DLGAP1: variants seen among roughly 807,000 people sequenced by gnomAD.
DLGAP1 encodes DLG associated protein 1.
A neutral mutation model predicts 90.8 loss-of-function variants in DLGAP1; 11 were observed. That is an observed-to-expected ratio of 0.12 (90% CI 0.08 to 0.20). The LOEUF is 0.20. Among genes scored for constraint, DLGAP1 ranks in the 10% least tolerant of loss-of-function variants. DLGAP1 has a pLI of 1.00. For missense variants in DLGAP1, 1,050 were observed against 1,333.8 expected, an observed-to-expected ratio of 0.79 and a Z score of 3.31; for synonymous variants, 558 against 540.7, an observed-to-expected ratio of 1.03 and a Z score of -0.44.
At position 3,826,390 on chromosome 18, in the gene DLGAP1, G is replaced by GA. The variant is rs543058305; in HGVS notation, c.958-12118dup. Among the ~76,000 whole-genome samples, 521 of 152,304 alleles carry GA rather than the reference G, an allele frequency of 3.4e-3. 3 individuals are homozygous for GA. The highest frequency in any genetic ancestry group is 0.011 in the African/African-American group (451 of 41,558). On this transcript the variant is annotated intron_variant, in intron 4 of 12. Transcript: ENST00000315677. ...TGGAAAAATGAAAGCAGGAAAGGGG[G>GA]AAGACTGTGTGGAGGAGAGGTGGGT... is the stretch of plus-strand genomic sequence containing the variant.
At chr18:3,801,172 T>A (rs2148327667) in intron 5 of DLGAP1, among the ~76,000 whole-genome samples, 1 of 152,246 alleles carries the variant, frequency 6.6e-6, no homozygotes, top group South Asian at 2.1e-4. Flanking sequence ...AAGCCATTCA[T>A]TAGGGATCCG....
At chr18:4,346,911 A>AG in intron 1 of DLGAP1, among the ~76,000 whole-genome samples, 1 of 152,252 alleles carries the variant, frequency 6.6e-6, no homozygotes, top group South Asian at 2.1e-4. Flanking sequence ...ATAAATAAAT[A>AG]CCCTCAGTTT....
chr18:4,210,634 C>A (rs796548336), intron 1 of DLGAP1, among the ~76,000 whole-genome samples: 1 of 152,048 alleles, frequency 6.6e-6, no homozygotes, highest in African/African-American at 2.4e-5. Flanking sequence ...TGAAAGAGGA[C>A]GATGGCCTCT....
At chr18:3,882,982 G>A (rs533580625) in intron 3 of DLGAP1, among the ~76,000 whole-genome samples, 3 of 152,316 alleles carry the variant, frequency 2.0e-5, no homozygotes, top group East Asian at 3.9e-4. Flanking sequence ...GGTGGCTCAC[G>A]CCTGTAATCC....
intron 1 of DLGAP1, among the ~76,000 whole-genome samples, chr18:4,404,239 T>C (rs1024381901): frequency 3.5e-4 from 53 of 152,224 alleles, no homozygotes; most frequent in Non-Finnish European, 6.8e-4. Flanking sequence ...AGGATATTAA[T>C]TAATGAATCA....
At chr18:4,166,020 A>C (rs115079094) in intron 1 of DLGAP1, among the ~76,000 whole-genome samples, 44 of 152,102 alleles carry the variant, frequency 2.9e-4, no homozygotes, top group Non-Finnish European at 5.4e-4. Context: ...TTAGCCAGGC[A>C]TGGTGGCATG....
intron 1 of DLGAP1, among the ~76,000 whole-genome samples, chr18:4,352,828 A>C (rs2081429385): frequency 6.6e-6 from 1 of 151,982 alleles, no homozygotes; most frequent in South Asian, 2.1e-4. Context: ...TCTACCAATG[A>C]TTTTCTGTAT....
chr18:4,128,347 T>C (rs531204588), intron 2 of DLGAP1, among the ~76,000 whole-genome samples: 39 of 152,190 alleles, frequency 2.6e-4, no homozygotes, highest in African/African-American at 9.4e-4. Flanking sequence ...TATATGCAAA[T>C]ACTACATCAT....
chr18:3,752,881 A>G (rs1028540383), intron 5 of DLGAP1, among the ~76,000 whole-genome samples: 3 of 152,230 alleles, frequency 2.0e-5, no homozygotes, highest in Admixed American at 1.3e-4. Context: ...GTATAGCTGA[A>G]TAATATTGCA....
chr18:3,534,628 G>T lies in DLGAP1; in HGVS notation c.2058-13C>A. On this transcript the variant is annotated splice_polypyrimidine_tract_variant and intron_variant, in intron 9 of 12. Transcript: ENST00000315677. ...GAACCTGCGGAAGCTTGGGAGAATA[G>T]AAAAAAGAAATTTAGTTAGAGGATA... The T allele has an allele frequency of 6.6e-7, 1 of 1,519,520 alleles. No homozygotes were observed. Among genetic ancestry groups the T allele is most frequent in the Non-Finnish European group, 8.8e-7 (1 of 1,136,602 alleles). 94.1% of individuals were successfully genotyped at this position (1,519,520 alleles called of 1,614,324 possible). A position where few individuals can be genotyped will look rare whatever the true frequency, so the allele number is the denominator to read the frequency against.
intron 1 of DLGAP1, among the ~76,000 whole-genome samples, chr18:4,419,807 TA>T (rs571712200): frequency 1.1e-4 from 17 of 151,824 alleles, no homozygotes; most frequent in Non-Finnish European, 1.9e-4. Flanking sequence ...AATAGAAACA[TA>T]AAAATGCTAA....
At chr18:4,416,443 C>T (rs1241645668) in intron 1 of DLGAP1, among the ~76,000 whole-genome samples, 1 of 152,020 alleles carries the variant, frequency 6.6e-6, no homozygotes, top group East Asian at 1.9e-4. Flanking sequence ...ACAGGTTGAC[C>T]TCAACCATTT....
chr18:4,009,213 C>G (rs2074369130), intron 2 of DLGAP1, among the ~76,000 whole-genome samples: 1 of 152,196 alleles, frequency 6.6e-6, no homozygotes, highest in South Asian at 2.1e-4. Flanking sequence ...GCCACCGAGT[C>G]TCTTTAGACT....
At chr18:3,555,815 A>T (rs567112443) in intron 9 of DLGAP1, among the ~76,000 whole-genome samples, 17 of 152,326 alleles carry the variant, frequency 1.1e-4, no homozygotes, top group African/African-American at 3.8e-4. Flanking sequence ...CGTCTCAAAA[A>T]AAATAAATAA....
intron 7 of DLGAP1, among the ~76,000 whole-genome samples, chr18:3,587,650 A>C (rs1334117797): frequency 6.6e-6 from 1 of 152,180 alleles, no homozygotes; most frequent in Admixed American, 6.5e-5. Flanking sequence ...GCTCTTCACA[A>C]TAAATCTTGC....
chr18:4,443,604 A>G (rs552306225), intron 1 of DLGAP1, among the ~76,000 whole-genome samples: 1 of 152,358 alleles, frequency 6.6e-6, no homozygotes, highest in Middle Eastern at 3.4e-3. Flanking sequence ...TTTCCATGGG[A>G]AAATACTGTT....
chr18:3,717,039 CTTTTTTTTT>C (rs56981271), intron 7 of DLGAP1, among the ~76,000 whole-genome samples: 3 of 113,836 alleles, frequency 2.6e-5, no homozygotes, highest in Admixed American at 9.4e-5. Flanking sequence ...GTGAGTTTGC[CTTTTTTTTT>C]TTTTTTTTTT....
At chr18:3,782,899 A>G (rs898188138) in intron 5 of DLGAP1, among the ~76,000 whole-genome samples, 1 of 152,330 alleles carries the variant, frequency 6.6e-6, no homozygotes, top group South Asian at 2.1e-4. Flanking sequence ...TTTGCAAACC[A>G]TATCTCTGAT....
intron 3 of DLGAP1, among the ~76,000 whole-genome samples, chr18:3,955,541 G>A (rs1389450362): frequency 2.6e-5 from 4 of 152,094 alleles, no homozygotes; most frequent in South Asian, 2.1e-4. Context: ...GAGAAACCCC[G>A]CCTCTACTAA....
Sources: gnomAD v4.1 joint callset for allele counts (sites outside exome capture counted in the v4.1 genomes callset) on GRCh38, gnomAD v4.1.1 for gene constraint, MANE v1.5 for transcripts, NCBI Gene and HGNC (gene_info 2026-07-23, HGNC 2026-07-21) for gene names.